CEP162: variants seen among roughly 807,000 people sequenced by gnomAD.
The protein encoded by CEP162 is centrosomal protein 162.
Under a neutral mutation model 169.2 loss-of-function variants are expected in CEP162, and 141 were observed. The observed-to-expected ratio is 0.83, with a 90% CI of 0.73 to 0.96. The LOEUF (loss-of-function observed/expected upper bound fraction) is 0.96, where lower values mean the gene tolerates loss of function less well. Ranked by LOEUF, CEP162 falls within the 40% of genes least tolerant of loss-of-function variation. The probability of loss-of-function intolerance (pLI) is 0.00; values close to 1 mark genes in which losing one functional copy is unlikely to be tolerated. For missense variants in CEP162, 1,600 were observed against 1,587.2 expected (o/e 1.01, Z -0.14); for synonymous variants, 540 against 526.4 (o/e 1.03, Z -0.35).
chr6:84,126,594 A>G, intron 25 of CEP162, 82 bp from the exon 26 acceptor site: 1 of 1,062,608 alleles, frequency 9.4e-7, no homozygotes, highest in Non-Finnish European at 1.3e-6. Context: ...ATATTTGTAT[A>G]AAATTTCTCT....
At chr6:84,159,366 T>C (rs1396351151) in intron 21 of CEP162, among the ~76,000 whole-genome samples, 1 of 150,298 alleles carries the variant, frequency 6.7e-6, no homozygotes, top group Admixed American at 6.7e-5. Context: ...AAATAAGTTA[T>C]CTAATAAAGA....
chr6:84,224,178 T>C (rs1297124275), intron 2 of CEP162, among the ~76,000 whole-genome samples: 2 of 152,198 alleles, frequency 1.3e-5, no homozygotes, highest in African/African-American at 2.4e-5. Context: ...ATGTGGTACA[T>C]CTACACAATG....
At chr6:84,158,054 A>G (rs191661056) in intron 21 of CEP162, among the ~76,000 whole-genome samples, 23 of 152,368 alleles carry the variant, frequency 1.5e-4, no homozygotes, top group Admixed American at 1.2e-3. Context: ...ACCAGGGTCC[A>G]CAGAAATGAC....
chr6:84,137,909 T>C (rs377645238), intron 25 of CEP162, among the ~76,000 whole-genome samples: 5 of 152,198 alleles, frequency 3.3e-5, no homozygotes, highest in Admixed American at 1.3e-4. Context: ...TTTCACCCCA[T>C]TGCAGCAGAC....
At position 84,175,158 on chromosome 6, in the gene CEP162, G is replaced by C. The variant is rs907346400; in HGVS notation, c.1797+56C>G. 10 of 1,192,916 alleles carry C rather than the reference G, an allele frequency of 8.4e-6. No homozygotes were observed. In the African/African-American group the frequency reaches 1.5e-4, roughly 18 times the overall value. The allele number at this position is 1,192,916 out of a possible 1,614,324, so 73.9% of individuals were successfully genotyped here. On this transcript the variant is annotated intron_variant, in intron 14 of 26. Transcript: ENST00000403245. ...ATTATATTTTGTTATATATAATTTA[G>C]TTTTAATATAATTTTAGAACATAAA...
At chr6:84,181,735 A>G (rs567132832) in intron 13 of CEP162, among the ~76,000 whole-genome samples, 1 of 152,270 alleles carries the variant, frequency 6.6e-6, no homozygotes, top group Non-Finnish European at 1.5e-5. Context: ...TTTAATAATC[A>G]GAACCAAGAA....
In CEP162 at chr6:84,133,501, G is replaced by A. The variant is rs60600171; in HGVS notation, c.3871-6989C>T. On this transcript the variant is annotated intron_variant, in intron 25 of 26. Transcript: ENST00000403245. The stretch of plus-strand genomic sequence containing the variant: ...AGGCAGGCTGGCCTCCTTGAGTTGC[G>A]GTGGGCTCCACCCAGTTTGAGCTTC... 6.3e-3 allele frequency among the ~76,000 whole-genome samples: 958 copies of A among 152,216 alleles called. 4 individuals carry two copies. Among genetic ancestry groups the A allele is most frequent in the African/African-American group, 0.022 (920 of 41,544 alleles).
intron 13 of CEP162, among the ~76,000 whole-genome samples, chr6:84,182,647 A>C (rs968354225): frequency 2.6e-5 from 4 of 152,116 alleles, no homozygotes; most frequent in African/African-American, 9.7e-5. Context: ...TCTACCTTTT[A>C]CCTTTCACCC....
intron 1 of CEP162, among the ~76,000 whole-genome samples, chr6:84,226,716 C>T (rs934026017): frequency 6.6e-6 from 1 of 152,130 alleles, no homozygotes; most frequent in Admixed American, 6.5e-5. Context: ...ACAATATTTC[C>T]CAAACCTATG....
At chr6:84,217,542 A>C (rs1288254337) in intron 3 of CEP162, among the ~76,000 whole-genome samples, 1 of 152,178 alleles carries the variant, frequency 6.6e-6, no homozygotes, top group Non-Finnish European at 1.5e-5. Flanking sequence ...ATACGGGCAT[A>C]AGCAAGAGAA....
intron 11 of CEP162, among the ~76,000 whole-genome samples, chr6:84,190,833 G>A (rs1044878810): frequency 1.3e-5 from 2 of 152,164 alleles, no homozygotes; most frequent in Non-Finnish European, 2.9e-5. Flanking sequence ...ACAGGCATGC[G>A]CCACACGCCC....
chr6:84,152,331 C>G (rs1179790224), intron 23 of CEP162, among the ~76,000 whole-genome samples: 1 of 152,124 alleles, frequency 6.6e-6, no homozygotes, highest in Admixed American at 6.5e-5. Flanking sequence ...TGGGTTGACA[C>G]AGATGTTCAG....
Position 84,124,828 on chromosome 6 carries a change from C to T in CEP162, c.*242G>A. The T allele has an allele frequency of 2.0e-6, 1 of 494,696 alleles. No homozygotes were observed. Among genetic ancestry groups the T allele is most frequent in the Non-Finnish European group, 3.5e-6 (1 of 284,728 alleles). 30.6% of individuals were successfully genotyped at this position (494,696 alleles called of 1,614,324 possible). ...TAGCATACAAGTGAGCCCTTCTCTG[C>T]TATAAAGGAAACTGTCCATAAATCA... On this transcript the variant is annotated 3_prime_UTR_variant, in exon 27 of 27. Coordinates refer to ENST00000403245, the MANE Select transcript of CEP162 (RefSeq NM_014895.4).
chr6:84,159,455 G>GA (rs2099524569), intron 21 of CEP162, among the ~76,000 whole-genome samples: 1 of 131,504 alleles, frequency 7.6e-6, no homozygotes, highest in Non-Finnish European at 1.6e-5. Flanking sequence ...TAGCACTAAA[G>GA]AAAATCCAAG....
At position 84,155,525 on chromosome 6, in the gene CEP162, T is replaced by C; in HGVS notation, c.2782-15A>G. 6.5e-7 allele frequency: 1 copy of C among 1,533,894 alleles called. No homozygotes were observed. Among genetic ancestry groups the C allele is most frequent in the African/African-American group, 1.4e-5 (1 of 72,838 alleles). ...ATTTCCTTAACCTATTAAAACATAT[T>C]TTCCACCAAAGAACACTTAGATTTA... On this transcript the variant is annotated splice_polypyrimidine_tract_variant and intron_variant, in intron 21 of 26. Transcript: ENST00000403245.
At chr6:84,194,512 G>A (rs945628156) in intron 10 of CEP162, among the ~76,000 whole-genome samples, 1 of 150,566 alleles carries the variant, frequency 6.6e-6, no homozygotes, top group African/African-American at 2.4e-5. Context: ...GAGGAGCAGT[G>A]GCGCAATATT....
At chr6:84,218,481 G>A (rs1368979930) in intron 3 of CEP162, among the ~76,000 whole-genome samples, 2 of 152,142 alleles carry the variant, frequency 1.3e-5, no homozygotes, top group African/African-American at 4.8e-5. Flanking sequence ...TATGTTTGTT[G>A]TAAAAAACTG....
chr6:84,171,571 G>T (rs1210509645), intron 17 of CEP162, 35 bp downstream of exon 17: 2 of 768,190 alleles, frequency 2.6e-6, no homozygotes, highest in Non-Finnish European at 4.0e-6. Context: ...AATAGTCTAA[G>T]TATATTTGAT....
At chr6:84,208,720 T>C (rs2099548288) in intron 6 of CEP162, among the ~76,000 whole-genome samples, 2 of 152,250 alleles carry the variant, frequency 1.3e-5, no homozygotes, top group Non-Finnish European at 1.5e-5. Context: ...AATATTTGTA[T>C]TCTGAGGCTG....
Sources: allele counts gnomAD v4.1 joint callset (sites outside exome capture counted in the v4.1 genomes callset), GRCh38; gene constraint gnomAD v4.1.1; transcripts MANE v1.5; gene names NCBI Gene and HGNC (gene_info 2026-07-23, HGNC 2026-07-21).